The following SLC8A1 variants were observed in gnomAD, a reference collection of about 807,000 sequenced individuals.
The protein encoded by SLC8A1 is sodium/calcium exchanger 1.
Under a neutral mutation model 68.3 loss-of-function variants are expected in SLC8A1, and 18 were observed. The observed-to-expected ratio is 0.26, with a 90% CI of 0.18 to 0.39. The LOEUF is 0.39. Among genes scored for constraint, SLC8A1 ranks in the 10% least tolerant of loss-of-function variants. The probability of loss-of-function intolerance (pLI) is 1.00; values close to 1 mark genes in which losing one functional copy is unlikely to be tolerated. For missense variants in SLC8A1, 985 were observed against 1,156.7 expected (o/e 0.85, Z 2.15); for synonymous variants, 475 against 415.5 (o/e 1.14, Z -1.74).
At chr2:40,235,751 C>G (rs1055516567) in intron 2 of SLC8A1, among the ~76,000 whole-genome samples, 79 of 149,688 alleles carry the variant, frequency 5.3e-4, no homozygotes, top group African/African-American at 1.8e-3. Context: ...CTATAAATTT[C>G]CCTCTACACA....
At chr2:40,199,102 C>A (rs1331884200) in intron 2 of SLC8A1, among the ~76,000 whole-genome samples, 3 of 99,950 alleles carry the variant, frequency 3.0e-5, no homozygotes, top group Non-Finnish European at 7.1e-5. Flanking sequence ...GTTCAAGACT[C>A]CAAAAATTAA....
At chr2:40,119,252 T>A (rs965686791) in intron 7 of SLC8A1, among the ~76,000 whole-genome samples, 2 of 152,186 alleles carry the variant, frequency 1.3e-5, no homozygotes, top group African/African-American at 2.4e-5. Flanking sequence ...TGTTTTTGGC[T>A]ACTTTGTGTC....
chr2:40,215,457 G>T (rs968704310), intron 2 of SLC8A1, among the ~76,000 whole-genome samples: 2 of 151,832 alleles, frequency 1.3e-5, no homozygotes, highest in Non-Finnish European at 2.9e-5. Context: ...CTAACAAGGT[G>T]AAACCCCGTC....
At chr2:40,176,755 C>CAA (rs1458814458) in intron 3 of SLC8A1, among the ~76,000 whole-genome samples, 1 of 152,154 alleles carries the variant, frequency 6.6e-6, no homozygotes, top group Non-Finnish European at 1.5e-5. Flanking sequence ...AAATTTCTTA[C>CAA]AAAGTGGCCC....
At chr2:40,268,315 C>G (rs955302845) in intron 2 of SLC8A1, among the ~76,000 whole-genome samples, 2 of 152,128 alleles carry the variant, frequency 1.3e-5, no homozygotes, top group Admixed American at 6.5e-5. Flanking sequence ...CTGAAAATGG[C>G]TCTAGGAATC....
chr2:40,512,304 A>G (rs903650585), intron 1 of SLC8A1: 1 of 152,324 alleles, frequency 6.6e-6, no homozygotes, highest in African/African-American at 2.4e-5. Flanking sequence ...AAATATTTGC[A>G]AATGATCCTT....
At chr2:40,133,836 C>A (rs996468807) in intron 7 of SLC8A1, among the ~76,000 whole-genome samples, 2 of 152,100 alleles carry the variant, frequency 1.3e-5, no homozygotes, top group Non-Finnish European at 2.9e-5. Context: ...GGGATATAAG[C>A]TGGAATGTCC....
At chr2:40,511,102 T>C (rs1451816704) in intron 1 of SLC8A1, among the ~76,000 whole-genome samples, 1 of 152,192 alleles carries the variant, frequency 6.6e-6, no homozygotes, top group Admixed American at 6.5e-5. Context: ...CCATGTCATG[T>C]CTGTCATCAG....
At chr2:40,323,316 T>C (rs1399838927) in intron 2 of SLC8A1, among the ~76,000 whole-genome samples, 1 of 152,170 alleles carries the variant, frequency 6.6e-6, no homozygotes, top group Non-Finnish European at 1.5e-5. Context: ...TGGATGTAAC[T>C]TAAGACTTTA....
intron 2 of SLC8A1, among the ~76,000 whole-genome samples, chr2:40,347,364 A>G (rs1669686259): frequency 6.6e-6 from 1 of 152,222 alleles, no homozygotes; most frequent in African/African-American, 2.4e-5. Context: ...AGAACCTCAT[A>G]TGCCATGCTT....
intron 2 of SLC8A1, among the ~76,000 whole-genome samples, chr2:40,340,101 A>C (rs1667209933): frequency 6.6e-6 from 1 of 152,242 alleles, no homozygotes; most frequent in South Asian, 2.1e-4. Context: ...TATCCTCATT[A>C]AAATTTGACT....
chr2:40,451,033 C>A (rs148165679), intron 1 of SLC8A1, among the ~76,000 whole-genome samples: 6 of 152,164 alleles, frequency 3.9e-5, no homozygotes, highest in Non-Finnish European at 8.8e-5. Flanking sequence ...AGGATGCACA[C>A]GTACTGTATT....
At chr2:40,286,482 A>C (rs1179868260) in intron 2 of SLC8A1, among the ~76,000 whole-genome samples, 1 of 152,200 alleles carries the variant, frequency 6.6e-6, no homozygotes, top group Non-Finnish European at 1.5e-5. Context: ...CTGATTGTAG[A>C]AGACAGTTTT....
At chr2:40,372,588 T>C (rs1231365703) in intron 2 of SLC8A1, among the ~76,000 whole-genome samples, 27 of 152,126 alleles carry the variant, frequency 1.8e-4, no homozygotes, top group Admixed American at 1.7e-3. Flanking sequence ...TGACTTCTTT[T>C]CTTTTTTTCT....
chr2:40,135,210 A>ACT (rs1558482427), intron 7 of SLC8A1, among the ~76,000 whole-genome samples: 1 of 152,234 alleles, frequency 6.6e-6, no homozygotes, highest in Non-Finnish European at 1.5e-5. Flanking sequence ...GATGCTTTTC[A>ACT]GAGTTTATCC....
At chr2:40,116,477 A>G (rs2035428906) in intron 7 of SLC8A1, among the ~76,000 whole-genome samples, 1 of 150,594 alleles carries the variant, frequency 6.6e-6, no homozygotes, top group Non-Finnish European at 1.5e-5. Flanking sequence ...CCCACCCCAC[A>G]GCAGTCCCCA....
chr2:40,186,986 T>C (rs2148623241), intron 2 of SLC8A1, among the ~76,000 whole-genome samples: 1 of 152,306 alleles, frequency 6.6e-6, no homozygotes, highest in Non-Finnish European at 1.5e-5. Context: ...TTCTTATTAG[T>C]TGAAAAGGAG....
At position 40,147,033 on chromosome 2, in the gene SLC8A1, A is replaced by C. The variant is rs118109954; in HGVS notation, c.2162-7357T>G. 3.0e-4 allele frequency among the ~76,000 whole-genome samples: 45 copies of C among 152,358 alleles called. 2 individuals are homozygous for C. The East Asian group carries it at 8.7e-3, about 29-fold the overall frequency. ...CAAAAAACAGAATGCTTACAAGCTT[A>C]AGCCATTATGGTCTTTGTTGGGGTG... On this transcript the variant is annotated intron_variant, in intron 6 of 7. Transcript: ENST00000406785.
chr2:40,399,052 T>C (rs1687876721), intron 2 of SLC8A1, among the ~76,000 whole-genome samples: 1 of 152,222 alleles, frequency 6.6e-6, no homozygotes, highest in Admixed American at 6.5e-5. Flanking sequence ...AGAAAGCATC[T>C]GTCAGAGATT....
Sources: allele counts gnomAD v4.1 joint callset (sites outside exome capture counted in the v4.1 genomes callset), GRCh38; gene constraint gnomAD v4.1.1; transcripts MANE v1.5; gene names NCBI Gene and HGNC (gene_info 2026-07-23, HGNC 2026-07-21).